Variants in BATF observed in about 807,000 individuals in gnomAD.
BATF encodes the protein basic leucine zipper transcriptional factor ATF-like.
Under a neutral mutation model 13.7 loss-of-function variants are expected in BATF, and 5 were observed. That is an observed-to-expected ratio of 0.36 (90% CI 0.19 to 0.77). The LOEUF (loss-of-function observed/expected upper bound fraction) is 0.77. Ranked by LOEUF, BATF falls within the 30% of genes least tolerant of loss-of-function variation. The pLI is 0.51. For missense variants in BATF, 124 were observed against 163.0 expected, an observed-to-expected ratio of 0.76 and a Z score of 1.30; for synonymous variants, 72 against 67.5, an observed-to-expected ratio of 1.07 and a Z score of -0.33.
intron 2 of BATF, among the ~76,000 whole-genome samples, chr14:75,528,213 G>A (rs565436226): frequency 4.6e-5 from 7 of 152,292 alleles, no homozygotes; most frequent in African/African-American, 9.6e-5. Flanking sequence ...TACAGATGAG[G>A]GTTTGGGAGC....
At chr14:75,532,498 G>T (rs1158233301) in intron 2 of BATF, among the ~76,000 whole-genome samples, 1 of 152,120 alleles carries the variant, frequency 6.6e-6, no homozygotes, top group Non-Finnish European at 1.5e-5. Flanking sequence ...GATACAATAT[G>T]TCAATTGAAA....
intron 2 of BATF, among the ~76,000 whole-genome samples, chr14:75,539,424 A>ATTTTTTTTTTTTTTTTTTTTT (rs1162218076): frequency 1.7e-5 from 1 of 58,552 alleles, no homozygotes; most frequent in Non-Finnish European, 2.9e-5. Flanking sequence ...GTAAGCTGGA[A>ATTTTTTTTTTTTTTTTTTTTT]TTTTTTTTTT....
At chr14:75,539,030 T>C (rs1887858470) in intron 2 of BATF, among the ~76,000 whole-genome samples, 1 of 152,240 alleles carries the variant, frequency 6.6e-6, no homozygotes, top group Admixed American at 6.5e-5. Context: ...GAAGCATCAG[T>C]ATCAGCCAAG....
intron 2 of BATF, among the ~76,000 whole-genome samples, chr14:75,531,002 C>A (rs1415372405): frequency 6.6e-6 from 1 of 152,144 alleles, no homozygotes; most frequent in Admixed American, 6.6e-5. Context: ...TTATCACATG[C>A]TTTTATCTTT....
At chr14:75,533,895 C>T (rs1031652016) in intron 2 of BATF, among the ~76,000 whole-genome samples, 1 of 152,196 alleles carries the variant, frequency 6.6e-6, no homozygotes, top group African/African-American at 2.4e-5. Flanking sequence ...TGCCTTCCCA[C>T]CAGTCTGCTT....
chr14:75,529,981 G>A (rs552497032), intron 2 of BATF, among the ~76,000 whole-genome samples: 4 of 150,732 alleles, frequency 2.7e-5, no homozygotes, highest in South Asian at 4.2e-4. Context: ...GGAGAATGGC[G>A]TGAACCCGGG....
chr14:75,543,462 A>AC (rs147049789), intron 2 of BATF, among the ~76,000 whole-genome samples: 10,716 of 149,944 alleles, frequency 0.071, 446 homozygotes, highest in Non-Finnish European at 0.1. Flanking sequence ...ATTTAGAAAG[A>AC]CCCCCCCCAG....
At chr14:75,538,639 C>T (rs952745267) in intron 2 of BATF, among the ~76,000 whole-genome samples, 16 of 152,216 alleles carry the variant, frequency 1.1e-4, no homozygotes, top group African/African-American at 1.7e-4. Flanking sequence ...CGGTGGCTCA[C>T]GCCTGTAATC....
intron 2 of BATF, among the ~76,000 whole-genome samples, chr14:75,543,712 T>C (rs1030996973): frequency 6.6e-6 from 1 of 151,584 alleles, no homozygotes; most frequent in Non-Finnish European, 1.5e-5. Context: ...AGATACTGGG[T>C]CTCAATAATG....
intron 2 of BATF, among the ~76,000 whole-genome samples, chr14:75,539,101 G>GTT (rs1887859297): frequency 6.6e-6 from 1 of 152,198 alleles, no homozygotes; most frequent in Non-Finnish European, 1.5e-5. Flanking sequence ...AACAAATCAT[G>GTT]GCCTACTTTT....
intron 2 of BATF, among the ~76,000 whole-genome samples, chr14:75,536,722 T>TTAAAATAAAA (rs56280822): frequency 0.083 from 10,395 of 125,748 alleles, 729 homozygotes; most frequent in African/African-American, 0.17. Flanking sequence ...GATCCTGTCT[T>TTAAAATAAAA]TAAAATAAAA....
chr14:75,529,495 GA>G (rs1367863427), intron 2 of BATF, among the ~76,000 whole-genome samples: 6 of 151,858 alleles, frequency 4.0e-5, no homozygotes, highest in Non-Finnish European at 7.4e-5. Flanking sequence ...AAAGAAACTT[GA>G]AAAGACAAAT....
At chr14:75,528,535 G>A (rs536554069) in intron 2 of BATF, among the ~76,000 whole-genome samples, 8 of 152,222 alleles carry the variant, frequency 5.3e-5, no homozygotes, top group East Asian at 3.9e-4. Flanking sequence ...AAAATGGATC[G>A]GTGATTCCTT....
At chr14:75,544,655 G>A (rs947046353) in intron 2 of BATF, among the ~76,000 whole-genome samples, 5 of 151,946 alleles carry the variant, frequency 3.3e-5, no homozygotes, top group African/African-American at 1.2e-4. Flanking sequence ...TTTTAGGATG[G>A]GCCTGAAATT....
At chr14:75,529,682 T>C (rs1887704025) in intron 2 of BATF, among the ~76,000 whole-genome samples, 1 of 152,010 alleles carries the variant, frequency 6.6e-6, no homozygotes, top group Admixed American at 6.6e-5. Context: ...TGAGGAAAAA[T>C]ATCTGTAATA....
chr14:75,523,752 A>T (rs1490678248), intron 1 of BATF, among the ~76,000 whole-genome samples: 1 of 152,202 alleles, frequency 6.6e-6, no homozygotes, highest in East Asian at 1.9e-4. Flanking sequence ...TGCAGCCAAA[A>T]TAAAAGTATA....
At chr14:75,540,017 G>T (rs1301452491) in intron 2 of BATF, among the ~76,000 whole-genome samples, 1 of 152,102 alleles carries the variant, frequency 6.6e-6, no homozygotes, top group African/African-American at 2.4e-5. Flanking sequence ...GGAGCCAAAA[G>T]GTCACCCTGC....
intron 2 of BATF, among the ~76,000 whole-genome samples, chr14:75,526,479 A>G (rs1036807452): frequency 6.6e-6 from 1 of 152,278 alleles, no homozygotes; most frequent in African/African-American, 2.4e-5. Flanking sequence ...TGGCTGTGTT[A>G]ACCGTATCAA....
At chr14:75,524,603 T>C (rs1213047301) in intron 1 of BATF, among the ~76,000 whole-genome samples, 1 of 152,050 alleles carries the variant, frequency 6.6e-6, no homozygotes, top group Non-Finnish European at 1.5e-5. Flanking sequence ...CTTCACAGCA[T>C]TGGGGAATTA....
Sources: allele counts gnomAD v4.1 joint callset (sites outside exome capture counted in the v4.1 genomes callset), GRCh38; gene constraint gnomAD v4.1.1; transcripts MANE v1.5; gene names NCBI Gene and HGNC (gene_info 2026-07-23, HGNC 2026-07-21).